The following NRG3 variants were observed in gnomAD, a reference collection of about 807,000 sequenced individuals.
The protein encoded by NRG3 is neuregulin 3, also known as pro-neuregulin-3, membrane-bound isoform.
Under a neutral mutation model 66.9 loss-of-function variants are expected in NRG3, and 31 were observed. The observed-to-expected ratio is 0.46, with a 90% confidence interval of 0.35 to 0.63. NRG3 has a LOEUF of 0.63. NRG3 is among the 20% of genes least tolerant of loss of function. The probability of loss-of-function intolerance (pLI) is 0.00; values close to 1 mark genes in which losing one functional copy is unlikely to be tolerated. For missense variants in NRG3, 910 were observed against 878.9 expected (o/e 1.04, Z -0.45); for synonymous variants, 393 against 359.4 (o/e 1.09, Z -1.06).
At chr10:82,950,055 C>T (rs562111599) in intron 4 of NRG3, among the ~76,000 whole-genome samples, 2 of 152,170 alleles carry the variant, frequency 1.3e-5, no homozygotes, top group Non-Finnish European at 2.9e-5. Flanking sequence ...CACCTGGGAA[C>T]TTTTTAAAAA....
At chr10:82,156,238 A>G (rs910776665) in intron 1 of NRG3, among the ~76,000 whole-genome samples, 1 of 151,072 alleles carries the variant, frequency 6.6e-6, no homozygotes, top group African/African-American at 2.4e-5. Flanking sequence ...ACATAGATTG[A>G]TTATAACATT....
At chr10:81,984,767 A>G (rs530288730) in intron 1 of NRG3, among the ~76,000 whole-genome samples, 1 of 152,204 alleles carries the variant, frequency 6.6e-6, no homozygotes, top group African/African-American at 2.4e-5. Context: ...ATAGAGATAG[A>G]TGCATTCCAG....
chr10:82,429,108 G>A (rs2089633244), intron 2 of NRG3, among the ~76,000 whole-genome samples: 1 of 151,924 alleles, frequency 6.6e-6, no homozygotes, highest in South Asian at 2.1e-4. Flanking sequence ...GCAAATTAAT[G>A]TCAAAGCTTA....
chr10:82,976,139 T>C (rs1255172386), intron 7 of NRG3, among the ~76,000 whole-genome samples: 1 of 152,124 alleles, frequency 6.6e-6, no homozygotes, highest in African/African-American at 2.4e-5. Context: ...CACTGCAACC[T>C]CCAGCTCCTG....
intron 2 of NRG3, among the ~76,000 whole-genome samples, chr10:82,488,929 G>T (rs111512839): frequency 0.026 from 3,987 of 152,206 alleles, 171 homozygotes; most frequent in African/African-American, 0.091. Context: ...TTTTAAAAAT[G>T]AAATTTCAGT....
At chr10:82,605,358 C>T (rs2047901758) in intron 2 of NRG3, among the ~76,000 whole-genome samples, 1 of 151,888 alleles carries the variant, frequency 6.6e-6, no homozygotes, top group South Asian at 2.1e-4. Context: ...TTTCCTTTAA[C>T]CCATTGATAT....
At chr10:82,230,219 A>G (rs1040491650) in intron 1 of NRG3, 1 of 152,170 alleles carries the variant, frequency 6.6e-6, no homozygotes, top group Non-Finnish European at 1.5e-5. Flanking sequence ...ACCTTTTAAA[A>G]CACAGTCATC....
chr10:82,435,760 A>T (rs1391612006), intron 2 of NRG3, among the ~76,000 whole-genome samples: 5 of 142,044 alleles, frequency 3.5e-5, no homozygotes, highest in Non-Finnish European at 7.7e-5. Context: ...TGTGGTTTTG[A>T]GTGAGTTTCT....
intron 1 of NRG3, among the ~76,000 whole-genome samples, chr10:82,255,428 T>C (rs1443911757): frequency 2.0e-5 from 3 of 152,206 alleles, no homozygotes; most frequent in African/African-American, 7.2e-5. Flanking sequence ...GATAACTTCC[T>C]ATCAATATTC....
chr10:82,271,056 C>T (rs973860717), intron 1 of NRG3, among the ~76,000 whole-genome samples: 11 of 151,854 alleles, frequency 7.2e-5, no homozygotes, highest in Non-Finnish European at 1.0e-4. Flanking sequence ...CACCTTAGTT[C>T]GAGAAAGCAA....
chr10:81,883,559 T>C (rs1842365196), intron 1 of NRG3, among the ~76,000 whole-genome samples: 1 of 152,172 alleles, frequency 6.6e-6, no homozygotes, highest in African/African-American at 2.4e-5. Context: ...ATGGATGCAA[T>C]ATAGGCCATA....
chr10:82,040,377 A>C (rs1016210832), intron 1 of NRG3, among the ~76,000 whole-genome samples: 1 of 150,004 alleles, frequency 6.7e-6, no homozygotes, highest in Non-Finnish European at 1.5e-5. Flanking sequence ...ATATATATAC[A>C]CTTATATACA....
intron 1 of NRG3, among the ~76,000 whole-genome samples, chr10:82,299,008 T>C (rs2080236911): frequency 6.6e-6 from 1 of 151,940 alleles, no homozygotes; most frequent in Admixed American, 6.6e-5. Context: ...TTCAGAGAGA[T>C]GGAGGCTTCC....
chr10:82,257,582 C>T (rs2077799303), intron 1 of NRG3, among the ~76,000 whole-genome samples: 1 of 152,038 alleles, frequency 6.6e-6, no homozygotes. Flanking sequence ...CCAGCCTGGC[C>T]AACATGGTGA....
At chr10:82,937,621 G>A (rs1351068433) in intron 4 of NRG3, among the ~76,000 whole-genome samples, 1 of 152,184 alleles carries the variant, frequency 6.6e-6, no homozygotes, top group Non-Finnish European at 1.5e-5. Context: ...GAGAATTTAC[G>A]GAAGCAGGGA....
At chr10:82,177,250 G>T (rs1409062598) in intron 1 of NRG3, among the ~76,000 whole-genome samples, 1 of 151,806 alleles carries the variant, frequency 6.6e-6, no homozygotes, top group Non-Finnish European at 1.5e-5. Flanking sequence ...AGGCCTGATT[G>T]TGTGTTTTTT....
At chr10:82,038,310 G>A (rs1388928984) in intron 1 of NRG3, among the ~76,000 whole-genome samples, 1 of 152,080 alleles carries the variant, frequency 6.6e-6, no homozygotes, top group African/African-American at 2.4e-5. Context: ...GGGATCACAT[G>A]TTAATAGTAC....
intron 3 of NRG3, among the ~76,000 whole-genome samples, chr10:82,770,760 A>C (rs2059685264): frequency 6.6e-6 from 1 of 152,184 alleles, no homozygotes; most frequent in South Asian, 2.1e-4. Context: ...AAGGGCTGGC[A>C]GGAAACTCAT....
At chr10:82,409,858 C>G (rs1044332683) in intron 2 of NRG3, among the ~76,000 whole-genome samples, 2 of 152,100 alleles carry the variant, frequency 1.3e-5, no homozygotes, top group Admixed American at 1.3e-4. Context: ...TGCTGGCTGT[C>G]AGCTGGAAAC....
Sources: allele counts gnomAD v4.1 joint callset (sites outside exome capture counted in the v4.1 genomes callset), GRCh38; gene constraint gnomAD v4.1.1; transcripts MANE v1.5; gene names NCBI Gene and HGNC (gene_info 2026-07-23, HGNC 2026-07-21).